Variants in BCL2L13 observed in about 807,000 individuals in gnomAD.
BCL2L13 encodes BCL2 like 13.
A neutral mutation model predicts 25.8 loss-of-function variants in BCL2L13; 13 were observed. The observed-to-expected ratio is 0.50, with a 90% confidence interval of 0.33 to 0.80. The LOEUF is 0.80. Among genes scored for constraint, BCL2L13 ranks in the 30% least tolerant of loss-of-function variants. BCL2L13 has a pLI of 0.02. For synonymous variants in BCL2L13, 244 were observed against 230.3 expected (o/e 1.06, Z -0.54); for missense variants, 504 against 574.9 (o/e 0.88, Z 1.26).
chr22:17,678,878 A>G (rs553845067), intron 2 of BCL2L13, among the ~76,000 whole-genome samples: 13 of 152,336 alleles, frequency 8.5e-5, no homozygotes, highest in African/African-American at 3.1e-4. Context: ...GGCCCAGTTC[A>G]TGCTGCTTTT....
chr22:17,727,041 C>T lies in BCL2L13; in HGVS notation c.965C>T (p.Ala322Val). 6.2e-7 allele frequency: 1 copy of T among 1,614,224 alleles called. No individual in the cohort carries two copies. The highest frequency in any genetic ancestry group is 8.5e-7 in the Non-Finnish European group (1 of 1,180,040). ...GAGGTGCCCGAGGGCATGGAAGAGGCTGCTGTGGCTTCTGTGGTCTTGCCA... is the reference window on the plus strand; with the variant it reads ...GAGGTGCCCGAGGGCATGGAAGAGGTTGCTGTGGCTTCTGTGGTCTTGCCA... ...KEEVPEGMEE[A>V]AVASVVLPAR... Residue 322 changes from alanine to valine, a missense_variant, in exon 7 of 7, where the codon GCT (alanine) becomes GTT (valine). Transcript: ENST00000317582.
At position 17,727,553 on chromosome 22, in the gene BCL2L13, AAGAC is replaced by A. The variant is rs749639944; in HGVS notation, c.*23_*26del. 2 of 1,611,958 alleles carry A rather than the reference AAGAC, an allele frequency of 1.2e-6. No individual in the cohort carries two copies. Among genetic ancestry groups the A allele is most frequent in the Admixed American group, 1.7e-5 (1 of 59,956 alleles). On this transcript the variant is annotated 3_prime_UTR_variant, in exon 7 of 7. Coordinates refer to ENST00000317582, the MANE Select transcript of BCL2L13 (RefSeq NM_015367.4). ...GAAATAGGAGGCTTTTCAGAAGAGA[AAGAC>A]AGAAGGATGTAAGGTTGGAGTTGTA...
intron 2 of BCL2L13, among the ~76,000 whole-genome samples, chr22:17,659,608 C>T (rs940790212): frequency 6.9e-6 from 1 of 145,184 alleles, no homozygotes; most frequent in Non-Finnish European, 1.6e-5. Context: ...TTGCAGTGAA[C>T]CGAGATCATG....
At chr22:17,683,776 T>G (rs1209610134) in intron 3 of BCL2L13, among the ~76,000 whole-genome samples, 1 of 151,730 alleles carries the variant, frequency 6.6e-6, no homozygotes, top group East Asian at 1.9e-4. Context: ...ACATAAACTT[T>G]AAAAATAGTT....
At chr22:17,695,846 C>T in intron 4 of BCL2L13, 1 of 254,236 alleles carries the variant, frequency 3.9e-6, no homozygotes. Context: ...TCAGGTATTT[C>T]TTTGCAGCAT....
chr22:17,727,377 T>G lies in BCL2L13; in HGVS notation c.1301T>G (p.Val434Gly). 1 of 1,614,138 alleles carries G rather than the reference T, an allele frequency of 6.2e-7. No homozygotes were observed. The highest frequency in any genetic ancestry group is 8.5e-7 in the Non-Finnish European group (1 of 1,180,012). ...TCCCCTGCCAGCGAGAAGAAGCCCG[T>G]GCCGCCGTCTGAGGGCAAGTCTAGA... ...ELSPASEKKP[V>G]PPSEGKSRLS... The change falls in exon 7 of 7, where the codon GTG becomes GGG. Residue 434 changes from valine to glycine, a missense_variant. By Grantham distance (109) the Val-to-Gly change is moderately radical. Coordinates refer to ENST00000317582, the MANE Select transcript of BCL2L13 (RefSeq NM_015367.4).
intron 5 of BCL2L13, among the ~76,000 whole-genome samples, chr22:17,696,703 C>T (rs2060274891): frequency 6.6e-6 from 1 of 152,144 alleles, no homozygotes; most frequent in South Asian, 2.1e-4. Context: ...TATTACTTAG[C>T]TAGTTAGGTA....
chr22:17,672,533 A>G (rs1427813740), intron 2 of BCL2L13, among the ~76,000 whole-genome samples: 2 of 152,220 alleles, frequency 1.3e-5, no homozygotes, highest in Admixed American at 6.5e-5. Flanking sequence ...TCCAGAATTT[A>G]TGCAGCATTG....
At chr22:17,633,055 C>T (rs927466553) in intron 1 of BCL2L13, among the ~76,000 whole-genome samples, 4 of 152,026 alleles carry the variant, frequency 2.6e-5, no homozygotes, top group Admixed American at 1.3e-4. Context: ...CGCCTGACCA[C>T]GATTTACTTA....
chr22:17,675,091 C>CACAT (rs2059539888), intron 2 of BCL2L13, among the ~76,000 whole-genome samples: 1 of 124,894 alleles, frequency 8.0e-6, no homozygotes, highest in African/African-American at 2.9e-5. Context: ...CACACACACA[C>CACAT]ATATATATAC....
Position 17,643,347 on chromosome 22 carries a change from G to A in BCL2L13, c.-51+4461G>A, listed in dbSNP as rs1449665613. On this transcript the variant is annotated intron_variant, in intron 1 of 6. Transcript: ENST00000317582. ...CTTCACTCCCGACCTCAGGTGATCCGCCCGCCTTAGCCTCCCAAAGTGCTG... is the reference window on the plus strand; with the variant it reads ...CTTCACTCCCGACCTCAGGTGATCCACCCGCCTTAGCCTCCCAAAGTGCTG... Among the ~76,000 whole-genome samples, 7 of 150,756 alleles carry A rather than the reference G, an allele frequency of 4.6e-5. No homozygotes were observed. The East Asian group carries it at 1.2e-3, about 26-fold the overall frequency.
rs1569007497 is a variant in BCL2L13, at chr22:17,715,143, TATATATATATATATATATATA to T, written c.601-11533_601-11513del. Among the ~76,000 whole-genome samples the T allele has an allele frequency of 2.2e-3, 23 of 10,348 alleles. 3 individuals carry two copies. The highest frequency in any genetic ancestry group is 0.05 in the Middle Eastern group (1 of 20). 6.8% of individuals were successfully genotyped at this position (10,348 alleles called of 152,430 possible). A position where few individuals can be genotyped will look rare whatever the true frequency, so the allele number is the denominator to read the frequency against. On this transcript the variant is annotated intron_variant, in intron 6 of 6. Coordinates refer to ENST00000317582, the MANE Select transcript of BCL2L13 (RefSeq NM_015367.4). Reference sequence around the variant, plus strand: ...AATTTTATATATATATATATATATATATATATATATATATATATATATATATATTTTTTTTTTTTTTTTTTT... The same window carrying T: ...AATTTTATATATATATATATATATATTATATATTTTTTTTTTTTTTTTTTT...
Position 17,728,871 on chromosome 22 carries a change from T to C in BCL2L13, c.*1337T>C, listed in dbSNP as rs898622879. The C allele has an allele frequency of 6.6e-6, 1 of 152,178 alleles. No individual in the cohort carries two copies. The highest frequency in any genetic ancestry group is 2.4e-5 in the African/African-American group (1 of 41,438). The allele number at this position is 152,178 out of a possible 1,614,324, so 9.4% of individuals were successfully genotyped here. On this transcript the variant is annotated 3_prime_UTR_variant, in exon 7 of 7. Transcript: ENST00000317582. ...ATATGCTAGTTGAGCATCGGCATAA[T>C]TTTCTTTCCTCTGGCTGATCCCAGC... is the stretch of plus-strand genomic sequence containing the variant.
At chr22:17,636,933 G>GT (rs948417945), upstream of BCL2L13, among the ~76,000 whole-genome samples, 29 of 152,288 alleles carry the variant, frequency 1.9e-4, no homozygotes, top group Non-Finnish European at 3.4e-4. Flanking sequence ...ATTTTTGAAA[G>GT]TTTTTTTAGG....
upstream of BCL2L13, among the ~76,000 whole-genome samples, chr22:17,636,983 A>T (rs2058118895): frequency 6.6e-6 from 1 of 152,160 alleles, no homozygotes; most frequent in Admixed American, 6.5e-5. Context: ...CCTTAAAAGT[A>T]AAATTAGGGC....
At chr22:17,667,663 C>T (rs561626113) in intron 2 of BCL2L13, among the ~76,000 whole-genome samples, 4 of 151,846 alleles carry the variant, frequency 2.6e-5, no homozygotes, top group Non-Finnish European at 4.4e-5. Flanking sequence ...TGTCTGCCAC[C>T]ATACCTGGCT....
intron 5 of BCL2L13, among the ~76,000 whole-genome samples, chr22:17,699,852 C>G (rs2060379223): frequency 1.3e-5 from 2 of 152,052 alleles, no homozygotes; most frequent in African/African-American, 4.8e-5. Flanking sequence ...GTAGAATTAA[C>G]TCATGGAGCT....
rs75050367 is a variant in BCL2L13 at position 17,676,151 on chromosome 22, G to C, written c.122-7063G>C. Among the ~76,000 whole-genome samples, 407 of 152,262 alleles carry C rather than the reference G, an allele frequency of 2.7e-3. 1 individual carries two copies. The highest frequency in any genetic ancestry group is 9.2e-3 in the African/African-American group (383 of 41,552). ...ATTACTCTTCACAACTACCCTTTGT[G>C]GTGGGTATTATTTTCCCATTTTATA... On this transcript the variant is annotated intron_variant, in intron 2 of 6. Coordinates refer to ENST00000317582, the MANE Select transcript of BCL2L13 (RefSeq NM_015367.4).
At chr22:17,680,696 G>C in intron 2 of BCL2L13, among the ~76,000 whole-genome samples, 1 of 151,988 alleles carries the variant, frequency 6.6e-6, no homozygotes, top group Non-Finnish European at 1.5e-5. Context: ...TACGTGTGTG[G>C]GGTGGAGTGC....
Sources: allele counts gnomAD v4.1 joint callset (sites outside exome capture counted in the v4.1 genomes callset), GRCh38; gene constraint gnomAD v4.1.1; transcripts MANE v1.5; gene names NCBI Gene and HGNC (gene_info 2026-07-23, HGNC 2026-07-21).